Variants in LEKR1 observed in about 807,000 individuals in gnomAD.
LEKR1 encodes protein LEKR1.
Under a neutral mutation model 72.4 loss-of-function variants are expected in LEKR1, and 59 were observed. The ratio of observed to expected loss-of-function variants is 0.82; its 90% CI spans 0.66 to 1.01. The LOEUF (loss-of-function observed/expected upper bound fraction) is 1.01, where lower values mean the gene tolerates loss of function less well. Among genes scored for constraint, LEKR1 ranks in the 50% least tolerant of loss-of-function variants. The pLI is 0.00. For missense variants in LEKR1, 728 were observed against 759.2 expected (o/e 0.96, Z 0.48); for synonymous variants, 257 against 263.2 (o/e 0.98, Z 0.23).
intron 6 of LEKR1, among the ~76,000 whole-genome samples, chr3:156,957,735 G>A (rs562178390): frequency 2.6e-5 from 4 of 152,006 alleles, no homozygotes; most frequent in African/African-American, 9.6e-5. Context: ...CTTCTAAAAG[G>A]CAGTATAATT....
intron 6 of LEKR1, among the ~76,000 whole-genome samples, chr3:156,966,035 T>A (rs1040970154): frequency 6.6e-6 from 1 of 152,134 alleles, no homozygotes; most frequent in Non-Finnish European, 1.5e-5. Context: ...CAGTTATATT[T>A]TATTAGAAAT....
In LEKR1 at chr3:157,045,426, C is replaced by G; in HGVS notation, c.1755C>G (p.Leu585=). The G allele has an allele frequency of 6.2e-7, 1 of 1,614,108 alleles. No homozygotes were observed. Among genetic ancestry groups the G allele is most frequent in the Non-Finnish European group, 8.5e-7 (1 of 1,180,014 alleles). ...CTTTGAGTCAAGCCAGAGAACAGCT[C>G]CTGGAGCTCAGTAAGCTTCGTGGAA... The part of the protein sequence containing the change: ...TEALSQAREQ[L]LELSKLRGSL... The change falls in exon 13 of 13, where the codon CTC becomes CTG. Residue 585 remains leucine (L), a synonymous_variant. Transcript: ENST00000356539.
intron 5 of LEKR1, among the ~76,000 whole-genome samples, chr3:156,938,132 A>G (rs1385852729): frequency 6.6e-6 from 1 of 151,786 alleles, no homozygotes; most frequent in African/African-American, 2.4e-5. Flanking sequence ...ATAGAATTGC[A>G]TGGAACTGTA....
At chr3:157,012,933 C>T (rs1478516016) in intron 10 of LEKR1, among the ~76,000 whole-genome samples, 1 of 151,970 alleles carries the variant, frequency 6.6e-6, no homozygotes, top group African/African-American at 2.4e-5. Context: ...GATTATCAAC[C>T]CTATTTTGTA....
At chr3:157,002,128 A>C (rs1247131481) in intron 9 of LEKR1, among the ~76,000 whole-genome samples, 3 of 152,178 alleles carry the variant, frequency 2.0e-5, no homozygotes, top group Non-Finnish European at 4.4e-5. Flanking sequence ...TTTAGAATCT[A>C]AATCTGTGTC....
chr3:156,962,082 TTA>T (rs1553813870), intron 6 of LEKR1, among the ~76,000 whole-genome samples: 1 of 152,224 alleles, frequency 6.6e-6, no homozygotes, highest in Non-Finnish European at 1.5e-5. Context: ...CTGCCTGCTC[TTA>T]GAAAAGGTTA....
intron 10 of LEKR1, among the ~76,000 whole-genome samples, chr3:157,018,769 T>C (rs1247389349): frequency 6.6e-6 from 1 of 152,216 alleles, no homozygotes; most frequent in Non-Finnish European, 1.5e-5. Context: ...GTGGGAGTAA[T>C]ACTTCTATTA....
intron 11 of LEKR1, among the ~76,000 whole-genome samples, chr3:157,025,399 T>C (rs756080127): frequency 1.3e-5 from 2 of 152,206 alleles, no homozygotes; most frequent in Middle Eastern, 3.2e-3. Flanking sequence ...ATGTTCTAAA[T>C]ACTAAAGGTT....
At chr3:156,970,226 C>T (rs1489733998) in intron 6 of LEKR1, among the ~76,000 whole-genome samples, 1 of 152,178 alleles carries the variant, frequency 6.6e-6, no homozygotes, top group Non-Finnish European at 1.5e-5. Flanking sequence ...CAGGGATGCC[C>T]TCTCTCACCA....
Position 156,920,605 on chromosome 3 carries a change from T to C in LEKR1, c.294T>C (p.Ser98=), listed in dbSNP as rs1278942741. 7 of 1,471,442 alleles carry C rather than the reference T, an allele frequency of 4.8e-6. No individual in the cohort carries two copies. The highest frequency in any genetic ancestry group is 1.4e-5 in the African/African-American group (1 of 71,132). 91.1% of individuals were successfully genotyped at this position (1,471,442 alleles called of 1,614,324 possible). Residue 98 remains serine (S), a synonymous_variant, in exon 4 of 13, where the codon AGT becomes AGC. Transcript: ENST00000356539. ...ACGATGTAGGCATGCAGTTAAAAAG[T>C]CAACAAAATGAATTTCAGAAAGTAA... is the stretch of plus-strand genomic sequence containing the variant. The part of the protein sequence containing the change: ...RIYDVGMQLK[S]QQNEFQKVKK...
intron 10 of LEKR1, among the ~76,000 whole-genome samples, chr3:157,012,072 T>A (rs1392371617): frequency 6.6e-6 from 1 of 152,122 alleles, no homozygotes; most frequent in Non-Finnish European, 1.5e-5. Context: ...AATGAATAGG[T>A]ATTACTTTCA....
chr3:157,018,683 T>G (rs1036850972), intron 10 of LEKR1, among the ~76,000 whole-genome samples: 9 of 152,180 alleles, frequency 5.9e-5, no homozygotes, highest in Admixed American at 3.3e-4. Context: ...AGTATACACA[T>G]TGTTTCCACC....
intron 6 of LEKR1, among the ~76,000 whole-genome samples, chr3:156,945,176 G>C (rs1045200763): frequency 6.6e-6 from 1 of 151,770 alleles, no homozygotes; most frequent in Non-Finnish European, 1.5e-5. Flanking sequence ...CAGTGATGTT[G>C]AACACCTTTC....
chr3:156,950,218 T>G (rs1727027771), intron 6 of LEKR1, among the ~76,000 whole-genome samples: 1 of 150,966 alleles, frequency 6.6e-6, no homozygotes. Flanking sequence ...TTTCATTTCT[T>G]ATATTGTTTT....
rs188681552 is a variant in LEKR1 at position 157,039,587 on chromosome 3, C to T, written c.1669-5753C>T. ...TGAGCCGTGATCGTGCTTCTGTACT[C>T]GAGCCTGGGCAACAACCTGAAACCC... On this transcript the variant is annotated intron_variant, in intron 12 of 12. Transcript: ENST00000356539. Among the ~76,000 whole-genome samples the T allele has an allele frequency of 8.6e-4, 131 of 152,194 alleles. 1 individual carries two copies. The highest frequency in any genetic ancestry group is 1.5e-3 in the Non-Finnish European group (105 of 68,004).
At chr3:156,984,197 T>C (rs1329702706) in intron 7 of LEKR1, among the ~76,000 whole-genome samples, 2 of 152,214 alleles carry the variant, frequency 1.3e-5, no homozygotes, top group East Asian at 1.9e-4. Flanking sequence ...GAATAAATGA[T>C]AGGATTACAA....
intron 2 of LEKR1, among the ~76,000 whole-genome samples, chr3:156,843,981 C>A (rs1039924863): frequency 1.3e-5 from 2 of 152,046 alleles, no homozygotes; most frequent in Admixed American, 1.3e-4. Flanking sequence ...TTAGAAAAAG[C>A]ATTTTCTTCA....
chr3:156,853,805 C>G (rs2108538593), intron 3 of LEKR1, among the ~76,000 whole-genome samples: 1 of 152,008 alleles, frequency 6.6e-6, no homozygotes, highest in Non-Finnish European at 1.5e-5. Flanking sequence ...TATTTAATTT[C>G]ACATCTGAAT....
chr3:156,972,822 G>A (rs1428112016), intron 6 of LEKR1, among the ~76,000 whole-genome samples: 1 of 151,002 alleles, frequency 6.6e-6, no homozygotes, highest in Admixed American at 6.6e-5. Context: ...TAAGACAGGT[G>A]TTAGTTTAAA....
Sources: allele counts gnomAD v4.1 joint callset (sites outside exome capture counted in the v4.1 genomes callset), GRCh38; gene constraint gnomAD v4.1.1; transcripts MANE v1.5; gene names NCBI Gene and HGNC (gene_info 2026-07-23, HGNC 2026-07-21).